The following IFT25 variants were observed in gnomAD, a reference collection of about 807,000 sequenced individuals.
The protein encoded by IFT25 is intraflagellar transport 25.
chr1:53,931,463 G>A, the IFT25 span, among the ~76,000 whole-genome samples: 803 of 152,266 alleles, frequency 5.3e-3, 6 homozygotes, highest in Non-Finnish European at 8.5e-3. Flanking sequence ...AACAATTTGG[G>A]AAATGTTTCC....
At chr1:53,915,944 G>A in the IFT25 span, among the ~76,000 whole-genome samples, 2 of 152,224 alleles carry the variant, frequency 1.3e-5, no homozygotes, top group African/African-American at 2.4e-5. Flanking sequence ...CAACACTTTG[G>A]GAGGCCAAGG....
the IFT25 span, among the ~76,000 whole-genome samples, chr1:53,923,007 G>C: frequency 2.0e-5 from 3 of 152,254 alleles, no homozygotes; most frequent in East Asian, 3.9e-4. Flanking sequence ...ATATACGAAA[G>C]GTAGCAGGGG....
the IFT25 span, among the ~76,000 whole-genome samples, chr1:53,923,282 C>T: frequency 2.0e-5 from 3 of 147,142 alleles, no homozygotes; most frequent in African/African-American, 8.1e-5. Context: ...CTTAATTAAA[C>T]AAAGCATGAC....
the IFT25 span, among the ~76,000 whole-genome samples, chr1:53,930,441 G>A: frequency 1.3e-5 from 2 of 152,114 alleles, no homozygotes; most frequent in African/African-American, 4.8e-5. Context: ...TGTAGGATCT[G>A]GTTCCACCAT....
the IFT25 span, among the ~76,000 whole-genome samples, chr1:53,913,256 TC>T: frequency 1.1e-4 from 17 of 152,188 alleles, no homozygotes; most frequent in Non-Finnish European, 2.9e-5. Flanking sequence ...CCCTATGGGA[TC>T]AGACTGAGGC....
At chr1:53,930,119 G>A in the IFT25 span, 1 of 1,567,510 alleles carries the variant, frequency 6.4e-7, no homozygotes, top group Non-Finnish European at 8.6e-7. Context: ...AAACATTCCT[G>A]TGGTGGTCCA....
the IFT25 span, among the ~76,000 whole-genome samples, chr1:53,918,136 C>G: frequency 1.3e-5 from 2 of 152,186 alleles, no homozygotes; most frequent in Non-Finnish European, 2.9e-5. Context: ...TCCTACATAC[C>G]CATCTCAGAT....
At chr1:53,914,403 G>A in the IFT25 span, among the ~76,000 whole-genome samples, 1 of 151,948 alleles carries the variant, frequency 6.6e-6, no homozygotes, top group Non-Finnish European at 1.5e-5. Flanking sequence ...TGAGAAAGGG[G>A]ATGGAGTAAA....
chr1:53,923,765 A>G, the IFT25 span: 11 of 629,156 alleles, frequency 1.7e-5, no homozygotes, highest in African/African-American at 9.4e-5. Context: ...ATTATTGAGA[A>G]TAACTTTCTC....
the IFT25 span, among the ~76,000 whole-genome samples, chr1:53,942,678 T>C: frequency 6.6e-6 from 1 of 152,194 alleles, no homozygotes; most frequent in Admixed American, 6.5e-5. Flanking sequence ...AATGCTATCT[T>C]AGAGTTAAGG....
the IFT25 span, chr1:53,929,664 G>A: frequency 6.2e-6 from 1 of 160,970 alleles, no homozygotes; most frequent in Non-Finnish European, 1.3e-5. Context: ...ATAACTCCAG[G>A]ACAAATGAAT....
At chr1:53,937,811 G>A in the IFT25 span, among the ~76,000 whole-genome samples, 2 of 152,188 alleles carry the variant, frequency 1.3e-5, no homozygotes, top group Non-Finnish European at 2.9e-5. Context: ...AATCTCCTCA[G>A]TTCTGTGTAT....
chr1:53,916,246 A>G, the IFT25 span, among the ~76,000 whole-genome samples: 2 of 152,154 alleles, frequency 1.3e-5, no homozygotes, highest in African/African-American at 2.4e-5. Flanking sequence ...GCAAAAAGGT[A>G]AAGCTACATA....
chr1:53,918,564 G>A, the IFT25 span, among the ~76,000 whole-genome samples: 6 of 152,172 alleles, frequency 3.9e-5, no homozygotes, highest in African/African-American at 9.7e-5. Context: ...ATCTTGCCAC[G>A]TCCAGGAAAA....
the IFT25 span, among the ~76,000 whole-genome samples, chr1:53,938,536 A>C: frequency 6.6e-6 from 1 of 152,220 alleles, no homozygotes. Context: ...ATCCAGATAC[A>C]TGGGCTTCAA....
the IFT25 span, among the ~76,000 whole-genome samples, chr1:53,938,506 G>A: frequency 6.6e-6 from 1 of 152,178 alleles, no homozygotes; most frequent in African/African-American, 2.4e-5. Flanking sequence ...TCAAGGAAGA[G>A]GCTGAGTTGC....
chr1:53,943,454 TG>T, the IFT25 span, among the ~76,000 whole-genome samples: 3 of 150,962 alleles, frequency 2.0e-5, no homozygotes, highest in Non-Finnish European at 2.9e-5. Context: ...TCAAAACATC[TG>T]AAGTTTTAAC....
At chr1:53,937,242 G>A in the IFT25 span, among the ~76,000 whole-genome samples, 8 of 152,038 alleles carry the variant, frequency 5.3e-5, no homozygotes, top group Admixed American at 2.0e-4. Flanking sequence ...TCAGCCTCCC[G>A]AGGAGCTGGG....
the IFT25 span, chr1:53,928,493 C>T: frequency 1.7e-5 from 23 of 1,358,978 alleles, no homozygotes; most frequent in Admixed American, 8.5e-5. Flanking sequence ...ATGTTTTTGT[C>T]CCTATATTTC....
Sources: allele counts gnomAD v4.1 joint callset (sites outside exome capture counted in the v4.1 genomes callset), GRCh38; gene constraint gnomAD v4.1.1; transcripts MANE v1.5; gene names NCBI Gene and HGNC (gene_info 2026-07-23, HGNC 2026-07-21).